Variants in COBL observed in about 807,000 individuals in gnomAD.
COBL encodes cordon-bleu WH2 repeat protein.
COBL carries 51 observed loss-of-function variants against 98.8 expected under a neutral mutation model. The observed-to-expected ratio is 0.52, with a 90% CI of 0.41 to 0.65. The LOEUF is 0.65. Among genes scored for constraint, COBL ranks in the 30% least tolerant of loss-of-function variants. COBL has a pLI of 0.00. For missense variants in COBL, 1,617 were observed against 1,617.5 expected, an observed-to-expected ratio of 1.00 and a Z score of 0.01; for synonymous variants, 634 against 651.7, an observed-to-expected ratio of 0.97 and a Z score of 0.41.
chr7:51,083,155 T>TAGGGGGGGGGG, intron 7 of COBL: 2 of 605,278 alleles, frequency 3.3e-6, no homozygotes, highest in South Asian at 2.3e-5. Context: ...AGGGCGGGGG[T>TAGGGGGGGGGG]GGGGGAAGCA....
At chr7:51,030,744 AG>A (rs1788052357) in intron 9 of COBL, 67 bp downstream of exon 9, 6 of 966,556 alleles carry the variant, frequency 6.2e-6, no homozygotes, top group Admixed American at 1.9e-5. Flanking sequence ...GTATGCTCAG[AG>A]GAAGTTACTG....
intron 1 of COBL, among the ~76,000 whole-genome samples, chr7:51,267,894 A>G (rs1183632901): frequency 2.0e-5 from 3 of 152,220 alleles, no homozygotes; most frequent in Non-Finnish European, 4.4e-5. Flanking sequence ...CTTTGGAAAG[A>G]AACAACAAAT....
intron 7 of COBL, among the ~76,000 whole-genome samples, chr7:51,054,530 G>T (rs1280238015): frequency 2.0e-5 from 3 of 152,146 alleles, no homozygotes; most frequent in Non-Finnish European, 4.4e-5. Flanking sequence ...CTGGCCTGGA[G>T]AGGAGTGACT....
intron 1 of COBL, chr7:51,259,999 T>A (rs1797575645): frequency 1.3e-6 from 1 of 758,634 alleles, no homozygotes; most frequent in African/African-American, 1.7e-5. Context: ...CCAGGAATCA[T>A]ATAGGAATGA....
intron 6 of COBL, among the ~76,000 whole-genome samples, chr7:51,096,563 G>A (rs28825202): frequency 2.7e-3 from 407 of 152,130 alleles, no homozygotes; most frequent in African/African-American, 9.4e-3. Flanking sequence ...AATATTAACA[G>A]AATTTCAGTT....
Position 51,249,018 on chromosome 7 carries a change from T to C in COBL, c.42-29074A>G, listed in dbSNP as rs182723089. ...CAGGTTAAGACCCATTCTGAACATA[T>C]CTTTTTCTAAAACAGACATAGTATA... On this transcript the variant is annotated intron_variant, in intron 1 of 12. Coordinates refer to ENST00000265136, the MANE Select transcript of COBL (RefSeq NM_015198.5). 2.7e-3 allele frequency among the ~76,000 whole-genome samples: 412 copies of C among 152,350 alleles called. 3 individuals carry two copies. Among genetic ancestry groups the C allele is most frequent in the Middle Eastern group, 0.02 (6 of 294 alleles).
At chr7:51,189,024 G>A (rs1243967937) in intron 4 of COBL, among the ~76,000 whole-genome samples, 2 of 152,164 alleles carry the variant, frequency 1.3e-5, no homozygotes, top group Admixed American at 6.5e-5. Context: ...AAAGAGTCAT[G>A]TAAACCAAAT....
intron 1 of COBL, among the ~76,000 whole-genome samples, chr7:51,274,747 G>A (rs1200823276): frequency 6.6e-6 from 1 of 152,198 alleles, no homozygotes; most frequent in Non-Finnish European, 1.5e-5. Context: ...GGGATGCCAT[G>A]CCTTGTACAA....
chr7:51,065,458 G>A (rs1017252849), intron 7 of COBL: 8 of 693,154 alleles, frequency 1.2e-5, no homozygotes, highest in Middle Eastern at 2.3e-4. Context: ...AACTGTAGGG[G>A]CAAGGAGGAA....
rs1218917977 is a variant in COBL at position 51,265,403 on chromosome 7, C to T, written c.42-45459G>A. On this transcript the variant is annotated intron_variant, in intron 1 of 12. Coordinates refer to ENST00000265136, the MANE Select transcript of COBL (RefSeq NM_015198.5). ...GCCCAGCCACACCCACCAGGCAAAC[C>T]GCCACCAGGCTTAGGGCAGAAGGCT... 3.3e-5 allele frequency among the ~76,000 whole-genome samples: 5 copies of T among 152,192 alleles called. No homozygotes were observed. In the East Asian group the frequency reaches 9.7e-4, roughly 29 times the overall value.
chr7:51,117,732 G>A (rs1343587457), intron 6 of COBL, among the ~76,000 whole-genome samples: 2 of 152,112 alleles, frequency 1.3e-5, no homozygotes, highest in Non-Finnish European at 2.9e-5. Flanking sequence ...TTTTCGAATA[G>A]GTCGCATTTT....
intron 12 of COBL, among the ~76,000 whole-genome samples, chr7:51,019,330 T>C (rs2128857558): frequency 6.6e-6 from 1 of 151,982 alleles, no homozygotes; most frequent in Non-Finnish European, 1.5e-5. Flanking sequence ...CATGACACGA[T>C]GGGCAAGACT....
chr7:51,050,579 C>A (rs1790137296), intron 7 of COBL, among the ~76,000 whole-genome samples: 1 of 152,172 alleles, frequency 6.6e-6, no homozygotes, highest in African/African-American at 2.4e-5. Flanking sequence ...AATCAAAGTC[C>A]TTCTCAGAAC....
intron 5 of COBL, among the ~76,000 whole-genome samples, chr7:51,181,583 G>A (rs557526472): frequency 2.6e-5 from 4 of 152,332 alleles, no homozygotes; most frequent in Admixed American, 6.5e-5. Context: ...AACTACGGCT[G>A]AATGGAGCAT....
At chr7:51,060,544 AGGGCTC>A (rs1791232126) in intron 7 of COBL, among the ~76,000 whole-genome samples, 1 of 150,774 alleles carries the variant, frequency 6.6e-6, no homozygotes, top group African/African-American at 2.5e-5. Context: ...AGTACCTTAG[AGGGCTC>A]GGGTGATGTT....
At chr7:51,190,289 G>A (rs1006056968) in intron 4 of COBL, among the ~76,000 whole-genome samples, 7 of 152,112 alleles carry the variant, frequency 4.6e-5, no homozygotes, top group African/African-American at 1.7e-4. Flanking sequence ...GCTCAGTGCA[G>A]CTTCAACCTC....
rs199642976 is a variant in COBL at position 51,028,414 on chromosome 7, C to T, written c.2682G>A (p.Lys894=). The change falls in exon 10 of 13, where the codon AAG becomes AAA. Residue 894 remains lysine, a synonymous_variant. Coordinates refer to ENST00000265136, the MANE Select transcript of COBL (RefSeq NM_015198.5). ...GCACTGGCGCCTTGCCTGCATAACC[C>T]TTCTCGGCATAACCGTGTGGCCTCA... ...DVVRPHGYAE[K]GYAGKAPVLA... 7 of 1,614,272 alleles carry T rather than the reference C, an allele frequency of 4.3e-6. No individual in the cohort carries two copies. In the East Asian group the frequency reaches 8.9e-5, roughly 21 times the overall value.
At chr7:51,143,087 T>G (rs932567371) in intron 5 of COBL, among the ~76,000 whole-genome samples, 1 of 152,142 alleles carries the variant, frequency 6.6e-6, no homozygotes, top group Non-Finnish European at 1.5e-5. Context: ...TATGAAAAGT[T>G]AAGTCATAAT....
intron 7 of COBL, among the ~76,000 whole-genome samples, chr7:51,047,688 T>C (rs1050808901): frequency 7.2e-5 from 11 of 152,308 alleles, no homozygotes; most frequent in Admixed American, 5.2e-4. Context: ...AAAGAAAAGC[T>C]ACCTCGCCAC....
Sources: allele counts gnomAD v4.1 joint callset (sites outside exome capture counted in the v4.1 genomes callset), GRCh38; gene constraint gnomAD v4.1.1; transcripts MANE v1.5; gene names NCBI Gene and HGNC (gene_info 2026-07-23, HGNC 2026-07-21).